Variants in PCDHGA3 observed in about 807,000 individuals in gnomAD.
The protein encoded by PCDHGA3 is protocadherin gamma-A3.
Under a neutral mutation model 58.5 loss-of-function variants are expected in PCDHGA3, and 40 were observed. The observed-to-expected ratio is 0.68, with a 90% CI of 0.53 to 0.89. PCDHGA3 has a LOEUF of 0.89. Ranked by LOEUF, PCDHGA3 falls within the 40% of genes least tolerant of loss-of-function variation. The pLI, the probability that PCDHGA3 is intolerant of heterozygous loss-of-function variation, is 0.00. For missense variants in PCDHGA3, 1,223 were observed against 1,195.9 expected (o/e 1.02, Z -0.33); for synonymous variants, 530 against 525.7 (o/e 1.01, Z -0.11).
At chr5:141,465,979 G>C (rs779605313) in intron 1 of PCDHGA3, among the ~76,000 whole-genome samples, 26 of 151,846 alleles carry the variant, frequency 1.7e-4, no homozygotes, top group Non-Finnish European at 3.8e-4. Flanking sequence ...AAAATTAGCC[G>C]GGCATGGTGG....
Position 141,491,627 on chromosome 5 carries a change from A to C in PCDHGA3, c.2425-3180A>C. On this transcript the variant is annotated intron_variant, in intron 1 of 3. Transcript: ENST00000253812. The surrounding 1 kb of genome is among the most constrained non-coding windows in gnomAD (Gnocchi z 6.9). ...ACTTTTCTAAGACCCCTCAGCGTTC[A>C]GCAGCCCACAGCTCTGGCGCTGGAG... 6.2e-7 allele frequency: 1 copy of C among 1,613,924 alleles called. No homozygotes were observed. The highest frequency in any genetic ancestry group is 8.5e-7 in the Non-Finnish European group (1 of 1,180,026).
chr5:141,473,235 C>T (rs1322325327), intron 1 of PCDHGA3, among the ~76,000 whole-genome samples: 1 of 152,132 alleles, frequency 6.6e-6, no homozygotes, highest in Non-Finnish European at 1.5e-5. Flanking sequence ...TGGATCCACA[C>T]AAGTGAATAC....
At chr5:141,383,710 G>T in intron 1 of PCDHGA3, 1 of 1,613,992 alleles carries the variant, frequency 6.2e-7, no homozygotes, top group South Asian at 1.1e-5. Context: ...CGACCTGGAC[G>T]AGGGAGTCAA....
chr5:141,387,732 C>G (rs940812767), intron 1 of PCDHGA3: 1 of 1,279,212 alleles, frequency 7.8e-7, no homozygotes, highest in South Asian at 1.6e-5. Context: ...CAGCGCCAGC[C>G]TTTACACCGC....
chr5:141,476,587 G>A lies in PCDHGA3; in HGVS notation c.2425-18220G>A. ...CTCCGGGGACGCGCTTTCCGCTCGA[G>A]AGCGCGCACGATCCCGATGTGGGAA... On this transcript the variant is annotated intron_variant, in intron 1 of 3. Coordinates refer to ENST00000253812, the MANE Select transcript of PCDHGA3 (RefSeq NM_018916.4). The surrounding 1 kb of genome is among the most constrained non-coding windows in gnomAD (Gnocchi z 7.6). 6.2e-7 allele frequency: 1 copy of A among 1,614,234 alleles called. No homozygotes were observed. The highest frequency in any genetic ancestry group is 1.1e-5 in the South Asian group (1 of 91,086).
At chr5:141,426,925 A>G in intron 1 of PCDHGA3, 1 of 456,756 alleles carries the variant, frequency 2.2e-6, no homozygotes, top group Non-Finnish European at 4.4e-6. Flanking sequence ...GAAGCAATGG[A>G]CATGGGTGAC....
rs57426385 is a variant in PCDHGA3 at position 141,415,740 on chromosome 5, G to GTTTTT, written c.2424+69311_2424+69315dup. 865 of 624,308 alleles carry GTTTTT rather than the reference G, an allele frequency of 1.4e-3. 3 individuals carry two copies. Among genetic ancestry groups the GTTTTT allele is most frequent in the South Asian group, 2.2e-3 (75 of 34,868 alleles). The allele number at this position is 624,308 out of a possible 1,614,324, so 38.7% of individuals were successfully genotyped here. A position where few individuals can be genotyped will look rare whatever the true frequency, so the allele number is the denominator to read the frequency against. ...TGAGTAGAATTTGATGTTTATTAAG[G>GTTTTT]TTTTTTTTTTTTTTTTTTTTTTTTT... is the stretch of plus-strand genomic sequence containing the variant. On this transcript the variant is annotated intron_variant, in intron 1 of 3. Transcript: ENST00000253812.
chr5:141,492,880 T>C (rs1204475362), intron 1 of PCDHGA3, among the ~76,000 whole-genome samples: 2 of 152,184 alleles, frequency 1.3e-5, no homozygotes, highest in African/African-American at 4.8e-5. Context: ...CCCCCAGAGA[T>C]ACAGGCTTTT....
rs1561857042 is a variant in PCDHGA3, at chr5:141,432,038, C to CG, written c.2425-62765dup. 3 of 1,614,190 alleles carry CG rather than the reference C, an allele frequency of 1.9e-6. No individual in the cohort carries two copies. The highest frequency in any genetic ancestry group is 2.5e-6 in the Non-Finnish European group (3 of 1,180,032). Reference sequence around the variant, plus strand: ...CAACATCACAGTGACCGCCACTGACCGGGGAACCCCGCCCCTATCCACGGA... The same window carrying CG: ...CAACATCACAGTGACCGCCACTGACCGGGGGAACCCCGCCCCTATCCACGGA... On this transcript the variant is annotated intron_variant, in intron 1 of 3. Transcript: ENST00000253812. The surrounding 1 kb of genome is among the most constrained non-coding windows in gnomAD (Gnocchi z 6.0).
chr5:141,495,921 T>C (rs959070876), intron 2 of PCDHGA3, among the ~76,000 whole-genome samples: 1 of 152,196 alleles, frequency 6.6e-6, no homozygotes, highest in Non-Finnish European at 1.5e-5. Context: ...TCTTTCTTTG[T>C]CTCTGTCTCT....
At chr5:141,430,936 C>T (rs2097327732) in intron 1 of PCDHGA3, 4 of 1,606,984 alleles carry the variant, frequency 2.5e-6, no homozygotes, top group Admixed American at 3.4e-5. Flanking sequence ...CCCGGGAGCT[C>T]GCGGAGCGCG....
intron 1 of PCDHGA3, among the ~76,000 whole-genome samples, chr5:141,401,910 T>A (rs562648950): frequency 2.1e-4 from 32 of 152,336 alleles, no homozygotes; most frequent in African/African-American, 5.3e-4. Flanking sequence ...AATTATTATA[T>A]AAGTTTAAGT....
chr5:141,409,850 G>A lies in PCDHGA3; in HGVS notation c.2424+63393G>A. ...GCTCAGCGCCAACGTGAGCCTGCGC[G>A]TGTTGGTGGGAGACCGCAATGACAA... On this transcript the variant is annotated intron_variant, in intron 1 of 3. Transcript: ENST00000253812. 6.2e-7 allele frequency: 1 copy of A among 1,612,142 alleles called. No individual in the cohort carries two copies. Among genetic ancestry groups the A allele is most frequent in the African/African-American group, 1.3e-5 (1 of 75,014 alleles).
chr5:141,403,384 A>C lies in PCDHGA3; in HGVS notation c.2424+56927A>C, dbSNP rs201959000. 4.4e-4 allele frequency: 703 copies of C among 1,614,030 alleles called. No homozygotes were observed. Among genetic ancestry groups the C allele is most frequent in the Non-Finnish European group, 5.5e-4 (652 of 1,179,890 alleles). ...AAAGTCTGGAAGTAAAAATTAACGA[A>C]ATCGCGGTTCCTGGAGCACGTTATC... On this transcript the variant is annotated intron_variant, in intron 1 of 3. Coordinates refer to ENST00000253812, the MANE Select transcript of PCDHGA3 (RefSeq NM_018916.4).
chr5:141,506,372 C>A (rs1243713695), intron 3 of PCDHGA3, among the ~76,000 whole-genome samples: 1 of 151,402 alleles, frequency 6.6e-6, no homozygotes, highest in Non-Finnish European at 1.5e-5. Context: ...TCGCTTGAAC[C>A]TGGGAGGTGG....
intron 1 of PCDHGA3, among the ~76,000 whole-genome samples, chr5:141,359,015 T>A (rs1389251705): frequency 6.6e-6 from 1 of 152,256 alleles, no homozygotes; most frequent in African/African-American, 2.4e-5. Flanking sequence ...TTAGTGTAAT[T>A]TGATAACTGG....
chr5:141,403,416 C>G, intron 1 of PCDHGA3: 1 of 1,614,034 alleles, frequency 6.2e-7, no homozygotes, highest in Non-Finnish European at 8.5e-7. Flanking sequence ...TATCCACTTC[C>G]AGAAGCTATT....
intron 1 of PCDHGA3, chr5:141,351,053 G>A: frequency 2.5e-6 from 4 of 1,614,060 alleles, no homozygotes; most frequent in Non-Finnish European, 3.4e-6. Context: ...GATGGCCACA[G>A]ACCAGGATGA....
Position 141,486,443 on chromosome 5 carries a change from A to G in PCDHGA3, c.2425-8364A>G, listed in dbSNP as rs747419698. Reference sequence around the variant, plus strand: ...AGAGGCCAAATCTAGCTATGACATCATGGTCACTGCTTCTGATGCTGGGAA... The same window carrying G: ...AGAGGCCAAATCTAGCTATGACATCGTGGTCACTGCTTCTGATGCTGGGAA... On this transcript the variant is annotated intron_variant, in intron 1 of 3. Transcript: ENST00000253812. The surrounding 1 kb of genome is among the most constrained non-coding windows in gnomAD (Gnocchi z 5.0). The G allele has an allele frequency of 1.9e-6, 3 of 1,614,060 alleles. No individual in the cohort carries two copies. Among genetic ancestry groups the G allele is most frequent in the South Asian group, 2.2e-5 (2 of 91,080 alleles).
Sources: gnomAD v4.1 joint callset for allele counts (sites outside exome capture counted in the v4.1 genomes callset) on GRCh38, gnomAD v4.1.1 for gene constraint, Gnocchi (gnomAD v3.1) non-coding constraint, MANE v1.5 for transcripts, NCBI Gene and HGNC (gene_info 2026-07-23, HGNC 2026-07-21) for gene names.